BLM: variants seen among roughly 807,000 people sequenced by gnomAD.
BLM encodes BLM RecQ like helicase.
BLM carries 95 observed loss-of-function variants against 135.3 expected under a neutral mutation model. That is an observed-to-expected ratio of 0.70 (90% CI 0.59 to 0.83). BLM has a LOEUF of 0.83. Ranked by LOEUF, BLM falls within the 40% of genes least tolerant of loss-of-function variation. BLM has a pLI of 0.00. For missense variants in BLM, 1,518 were observed against 1,663.9 expected (o/e 0.91, Z 1.53); for synonymous variants, 520 against 589.2 (o/e 0.88, Z 1.70).
chr15:90,799,184 A>G (rs1897106688), intron 17 of BLM, among the ~76,000 whole-genome samples: 1 of 151,862 alleles, frequency 6.6e-6, no homozygotes, highest in Admixed American at 6.6e-5. Context: ...AGAAATGGAC[A>G]GTAAAGAGGA....
At chr15:90,799,057 C>T (rs1473707999) in intron 17 of BLM, among the ~76,000 whole-genome samples, 1 of 151,198 alleles carries the variant, frequency 6.6e-6, no homozygotes. Flanking sequence ...CCCAGCTACT[C>T]GGGAGGCTGA....
At chr15:90,761,279 C>G in intron 7 of BLM, 24 bp downstream of exon 7, 1 of 1,442,652 alleles carries the variant, frequency 6.9e-7, no homozygotes, top group Non-Finnish European at 9.2e-7. Flanking sequence ...AAATTGAATG[C>G]TTATATGAAA....
chr15:90,804,379 T>C lies in BLM; in HGVS notation c.3751+20T>C. ...TTGCAGGTGGGTACACATGTATCCTTTGTTACGTGGCACAGATTAATAGGC... is the reference window on the plus strand; with the variant it reads ...TTGCAGGTGGGTACACATGTATCCTCTGTTACGTGGCACAGATTAATAGGC... On this transcript the variant is annotated intron_variant, in intron 19 of 21. Transcript: ENST00000355112. The C allele has an allele frequency of 6.2e-7, 1 of 1,600,432 alleles. No individual in the cohort carries two copies. Among genetic ancestry groups the C allele is most frequent in the South Asian group, 1.1e-5 (1 of 90,804 alleles).
intron 6 of BLM, 83 bp from the exon 7 acceptor site, chr15:90,760,511 G>T: frequency 7.2e-7 from 1 of 1,397,062 alleles, no homozygotes; most frequent in Non-Finnish European, 9.9e-7. Flanking sequence ...TTTCTATTTG[G>T]TATGAAAACT....
chr15:90,742,577 T>G (rs1473655553), intron 1 of BLM, among the ~76,000 whole-genome samples: 1 of 152,176 alleles, frequency 6.6e-6, no homozygotes, highest in Non-Finnish European at 1.5e-5. Context: ...TGCTGTGTTT[T>G]TCTCCATCCC....
At chr15:90,737,100 C>T (rs1895238075) in intron 1 of BLM, among the ~76,000 whole-genome samples, 1 of 151,714 alleles carries the variant, frequency 6.6e-6, no homozygotes. Flanking sequence ...AATCAAGTAA[C>T]TTTTGAATAT....
At chr15:90,774,139 A>G (rs1301377281) in intron 12 of BLM, among the ~76,000 whole-genome samples, 1 of 141,848 alleles carries the variant, frequency 7.0e-6, no homozygotes, top group Admixed American at 7.4e-5. Flanking sequence ...CAGTGGTGCA[A>G]TCTCGGCTCA....
intron 17 of BLM, among the ~76,000 whole-genome samples, chr15:90,799,074 A>T (rs968694889): frequency 1.3e-5 from 2 of 151,682 alleles, no homozygotes; most frequent in East Asian, 3.9e-4. Context: ...CTGAGGCAGG[A>T]GAATCGCTTG....
Position 90,801,476 on chromosome 15 carries a change from A to T in BLM, c.3359-2045A>T, listed in dbSNP as rs1054808229. Among the ~76,000 whole-genome samples the T allele has an allele frequency of 2.0e-5, 3 of 152,216 alleles. No homozygotes were observed. The East Asian group carries it at 5.8e-4, about 29-fold the overall frequency. ...GGAAGGGGTAGTGGTCAGAAGTTCT[A>T]TTGAAAGTTAGAAACATAATTAGTA... On this transcript the variant is annotated intron_variant, in intron 17 of 21. Coordinates refer to ENST00000355112, the MANE Select transcript of BLM (RefSeq NM_000057.4).
chr15:90,770,263 T>C (rs1896273931), intron 12 of BLM, among the ~76,000 whole-genome samples: 1 of 144,960 alleles, frequency 6.9e-6, no homozygotes, highest in South Asian at 2.3e-4. Flanking sequence ...GAGTTCTGCC[T>C]CCCGGGGTTC....
chr15:90,789,926 G>A (rs1896854498), intron 14 of BLM, among the ~76,000 whole-genome samples: 1 of 146,074 alleles, frequency 6.8e-6, no homozygotes, highest in African/African-American at 2.5e-5. Flanking sequence ...GCTCCTGAGA[G>A]TGAACTATCA....
chr15:90,765,498 C>G, intron 9 of BLM, 84 bp downstream of exon 9: 1 of 1,122,536 alleles, frequency 8.9e-7, no homozygotes. Flanking sequence ...TTAAATAGTT[C>G]GTGATTTGTA....
At chr15:90,804,631 T>G (rs576881973) in intron 19 of BLM, among the ~76,000 whole-genome samples, 1 of 152,124 alleles carries the variant, frequency 6.6e-6, no homozygotes, top group East Asian at 1.9e-4. Flanking sequence ...GCCCAGCTAA[T>G]TTTTGTATTT....
At chr15:90,734,975 AAACT>A (rs1895172254) in intron 1 of BLM, among the ~76,000 whole-genome samples, 1 of 152,056 alleles carries the variant, frequency 6.6e-6, no homozygotes, top group Non-Finnish European at 1.5e-5. Flanking sequence ...ATCAATAATG[AAACT>A]AACTAAACAG....
chr15:90,790,602 T>C, intron 14 of BLM, 47 bp from the exon 15 acceptor site: 1 of 1,564,744 alleles, frequency 6.4e-7, no homozygotes, highest in Non-Finnish European at 8.8e-7. Flanking sequence ...AAATGTTCCT[T>C]CAAGTCTGTG....
chr15:90,777,543 T>C (rs968596347), intron 12 of BLM, among the ~76,000 whole-genome samples: 2 of 151,788 alleles, frequency 1.3e-5, no homozygotes, highest in East Asian at 3.9e-4. Context: ...TAATTGACTT[T>C]GTTTCCTCAC....
intron 12 of BLM, among the ~76,000 whole-genome samples, chr15:90,776,677 A>G (rs1259641828): frequency 6.6e-6 from 1 of 151,990 alleles, no homozygotes; most frequent in African/African-American, 2.4e-5. Flanking sequence ...GTGCACCACC[A>G]TGCCTGGCTA....
chr15:90,733,489 T>C (rs1432408105), intron 1 of BLM, among the ~76,000 whole-genome samples: 1 of 152,248 alleles, frequency 6.6e-6, no homozygotes, highest in Non-Finnish European at 1.5e-5. Flanking sequence ...ATAAATTGTT[T>C]TAGAACGTAG....
Position 90,749,741 on chromosome 15 carries a change from A to G in BLM, c.473A>G (p.Asp158Gly). 1 of 1,614,178 alleles carries G rather than the reference A, an allele frequency of 6.2e-7. No homozygotes were observed. Among genetic ancestry groups the G allele is most frequent in the Non-Finnish European group, 8.5e-7 (1 of 1,180,008 alleles). Residue 158 changes from aspartate to glycine, a missense_variant, in exon 3 of 22, where the codon GAT (aspartate) becomes GGT (glycine). Transcript: ENST00000355112. ...LSTINDWDDM[D>G]DFDTSETSKS... ...ACCATCAATGATTGGGATGATATGG[A>G]TGACTTTGATACTTCTGAGACTTCA...
Sources: allele counts gnomAD v4.1 joint callset (sites outside exome capture counted in the v4.1 genomes callset), GRCh38; gene constraint gnomAD v4.1.1; transcripts MANE v1.5; gene names NCBI Gene and HGNC (gene_info 2026-07-23, HGNC 2026-07-21).